CYLD: variants seen among roughly 807,000 people sequenced by gnomAD.
CYLD encodes the protein ubiquitin carboxyl-terminal hydrolase CYLD.
A neutral mutation model predicts 104.5 loss-of-function variants in CYLD; 26 were observed. That is an observed-to-expected ratio of 0.25 (90% CI 0.18 to 0.35). CYLD has a LOEUF of 0.35. Ranked by LOEUF, CYLD falls within the 10% of genes least tolerant of loss-of-function variation. The probability of loss-of-function intolerance (pLI) is 1.00; values close to 1 mark genes in which losing one functional copy is unlikely to be tolerated. For synonymous variants in CYLD, 385 were observed against 399.9 expected (o/e 0.96, Z 0.45); for missense variants, 703 against 1,136.1 (o/e 0.62, Z 5.48).
At chr16:50,759,552 A>G (rs1967669741) in intron 5 of CYLD, among the ~76,000 whole-genome samples, 1 of 152,180 alleles carries the variant, frequency 6.6e-6, no homozygotes, top group African/African-American at 2.4e-5. Flanking sequence ...CTGATTTTTA[A>G]ATTACTTGCA....
chr16:50,786,522 G>GGCCGAGGT (rs57664295), intron 12 of CYLD: 89,902 of 243,890 alleles, frequency 0.37, 17,733 homozygotes, highest in Non-Finnish European at 0.4. Context: ...CACTTTGGGA[G>GGCCGAGGT]GCCGAGGTGG....
At chr16:50,774,687 A>AT (rs1456110670) in intron 5 of CYLD, among the ~76,000 whole-genome samples, 1 of 152,162 alleles carries the variant, frequency 6.6e-6, no homozygotes, top group Non-Finnish European at 1.5e-5. Flanking sequence ...GGGGTTATGG[A>AT]TTAGGATGGT....
chr16:50,745,403 T>A (rs1966104831), intron 2 of CYLD, among the ~76,000 whole-genome samples: 1 of 140,346 alleles, frequency 7.1e-6, no homozygotes. Context: ...GGTCTTGCTC[T>A]GTCACCCAGG....
rs779025151 is a variant in CYLD, at chr16:50,754,324, C to A, written c.813C>A (p.Asn271Lys). The A allele has an allele frequency of 1.2e-6, 2 of 1,603,818 alleles. No homozygotes were observed. Among genetic ancestry groups the A allele is most frequent in the South Asian group, 1.1e-5 (1 of 90,858 alleles). ...GTTTATTATTTAATTTCTAGGATAA[C>A]CCTATTGGCAACTGGGATGGAAGAT... is the stretch of plus-strand genomic sequence containing the variant. The part of the protein sequence containing the change: ...LGYFVGVDMD[N>K]PIGNWDGRFD... The change falls in exon 5 of 19, where the codon AAC becomes AAA. Residue 271 changes from asparagine to lysine, a missense_variant. By Grantham distance (94) the Asn-to-Lys change is moderately conservative. Around this residue, in one of 5 missense-constraint regions of CYLD, gnomAD observed 123 missense variants for 213.3 expected, o/e 0.58. Transcript: ENST00000427738.
intron 2 of CYLD, among the ~76,000 whole-genome samples, chr16:50,743,816 T>C (rs1965934845): frequency 6.6e-6 from 1 of 152,244 alleles, no homozygotes; most frequent in African/African-American, 2.4e-5. Context: ...TCCGTATTTG[T>C]TTCTTCTTAT....
At chr16:50,782,916 AT>A (rs386384680) in intron 11 of CYLD, among the ~76,000 whole-genome samples, 1,758 of 87,556 alleles carry the variant, frequency 0.02, 8 homozygotes, top group African/African-American at 0.06. Context: ...ACAACTTAAG[AT>A]TTTTTTTTTT....
chr16:50,773,968 T>C (rs1044632207), intron 5 of CYLD, among the ~76,000 whole-genome samples: 1 of 152,170 alleles, frequency 6.6e-6, no homozygotes, highest in Non-Finnish European at 1.5e-5. Flanking sequence ...TCCTAATCTT[T>C]GGAGCTCCTC....
At chr16:50,770,471 AT>A (rs954828818) in intron 5 of CYLD, among the ~76,000 whole-genome samples, 10 of 141,972 alleles carry the variant, frequency 7.0e-5, no homozygotes, top group African/African-American at 2.6e-4. Context: ...TTTTTTTGAG[AT>A]GGAGTCTTGC....
intron 15 of CYLD, among the ~76,000 whole-genome samples, chr16:50,792,101 A>C (rs1465364061): frequency 6.6e-6 from 1 of 152,210 alleles, no homozygotes; most frequent in African/African-American, 2.4e-5. Flanking sequence ...AACCAGTGAT[A>C]GAAATTATTT....
chr16:50,762,212 G>A (rs144537018), intron 5 of CYLD, among the ~76,000 whole-genome samples: 3,338 of 150,318 alleles, frequency 0.022, 107 homozygotes, highest in African/African-American at 0.077. Context: ...CTGCTTCCAC[G>A]TGTGATTCTT....
At position 50,782,316 on chromosome 16, in the gene CYLD, T is replaced by C; in HGVS notation, c.1685-9T>C. 6.3e-7 allele frequency: 1 copy of C among 1,580,552 alleles called. No homozygotes were observed. The highest frequency in any genetic ancestry group is 2.2e-5 in the East Asian group (1 of 44,530). ...TTTTCATTTACTTTTTTTAAAAAAA[T>C]CTTTTCAGCATTTGGAGGCTACTTA... On this transcript the variant is annotated splice_polypyrimidine_tract_variant and intron_variant, in intron 10 of 18. Transcript: ENST00000427738.
chr16:50,790,710 G>GTT (rs200415440), intron 14 of CYLD, among the ~76,000 whole-genome samples: 64 of 144,364 alleles, frequency 4.4e-4, no homozygotes, highest in Middle Eastern at 7.3e-3. Context: ...GAATAGCTGA[G>GTT]TTTTTTTTTT....
rs752471076 is a variant in CYLD, at chr16:50,780,029, C to T, written c.1503C>T (p.Leu501=). 54 of 1,613,908 alleles carry T rather than the reference C, an allele frequency of 3.3e-5. No individual in the cohort carries two copies. The highest frequency in any genetic ancestry group is 1.6e-4 in the Middle Eastern group (1 of 6,082). The change falls in exon 9 of 19, where the codon CTC becomes CTT. Residue 501 remains leucine (L), a synonymous_variant. Coordinates refer to ENST00000427738, the MANE Select transcript of CYLD (RefSeq NM_001378743.1). The part of the protein sequence containing the change: ...IGQPPGLNEV[L]AGLELEDECA... ...AGCCACCAGGACTGAATGAAGTGCTCGCTGGACTGGAACTGGTAATTTAAC... is the reference window on the plus strand; with the variant it reads ...AGCCACCAGGACTGAATGAAGTGCTTGCTGGACTGGAACTGGTAATTTAAC...
At position 50,779,838 on chromosome 16, in the gene CYLD, C is replaced by T. The variant is rs1970045499; in HGVS notation, c.1312C>T (p.Leu438Phe). The change falls in exon 9 of 19, where the codon CTT becomes TTT. Residue 438 changes from leucine (L) to phenylalanine (F), a missense_variant. Around this residue, in one of 5 missense-constraint regions of CYLD, gnomAD observed 183 missense variants for 212.1 expected, o/e 0.86. Coordinates refer to ENST00000427738, the MANE Select transcript of CYLD (RefSeq NM_001378743.1). The part of the protein sequence containing the change: ...NTNGSIGHSP[L>F]SLSAQSVMEE... ...CAATGGAAGTATTGGCCACAGTCCA[C>T]TTTCTCTGTCAGCCCAGTCTGTAAT... The T allele has an allele frequency of 3.1e-6, 5 of 1,613,960 alleles. No individual in the cohort carries two copies. The highest frequency in any genetic ancestry group is 4.2e-6 in the Non-Finnish European group (5 of 1,180,000).
rs971338070 is a variant in CYLD, at chr16:50,776,754, T to G, written c.1021+477T>G. On this transcript the variant is annotated intron_variant, in intron 7 of 18. Transcript: ENST00000427738. ...GTGTGGAGCTTACAGCTCTTTTTTT[T>G]GTTAGCTTCCACATACTTCATAGAT... is the stretch of plus-strand genomic sequence containing the variant. Among the ~76,000 whole-genome samples, 4 of 152,340 alleles carry G rather than the reference T, an allele frequency of 2.6e-5. No individual in the cohort carries two copies. The South Asian group carries it at 8.3e-4, about 32-fold the overall frequency.
intron 2 of CYLD, among the ~76,000 whole-genome samples, chr16:50,748,060 A>C (rs534804447): frequency 3.3e-5 from 5 of 152,330 alleles, no homozygotes; most frequent in Admixed American, 6.5e-5. Flanking sequence ...ATTAAATCTA[A>C]AATTTGGTTC....
At chr16:50,789,191 T>C (rs960141031) in intron 14 of CYLD, among the ~76,000 whole-genome samples, 1 of 152,138 alleles carries the variant, frequency 6.6e-6, no homozygotes, top group Non-Finnish European at 1.5e-5. Context: ...AGCTCAGAAA[T>C]AGAATTAACT....
chr16:50,786,867 G>T lies in CYLD; in HGVS notation c.1962G>T (p.Val654=). The T allele has an allele frequency of 6.2e-7, 1 of 1,612,766 alleles. No individual in the cohort carries two copies. Among genetic ancestry groups the T allele is most frequent in the Non-Finnish European group, 8.5e-7 (1 of 1,178,866 alleles). The part of the protein sequence containing the change: ...IVNPLRIYGY[V]CATKIMKLRK... ...TTTACTAACTTAGATATGGATATGTGTGTGCCACAAAAATTATGAAACTGA... is the reference window on the plus strand; with the variant it reads ...TTTACTAACTTAGATATGGATATGTTTGTGCCACAAAAATTATGAAACTGA... The change falls in exon 13 of 19, where the codon GTG becomes GTT. Residue 654 remains valine, a synonymous_variant. Transcript: ENST00000427738.
At chr16:50,788,950 CAATT>C (rs1359626108) in intron 14 of CYLD, among the ~76,000 whole-genome samples, 2 of 152,010 alleles carry the variant, frequency 1.3e-5, no homozygotes, top group Non-Finnish European at 2.9e-5. Context: ...CTGGGTAGGA[CAATT>C]AAATAATTTA....
Sources: allele counts gnomAD v4.1 joint callset (sites outside exome capture counted in the v4.1 genomes callset), GRCh38; gene constraint gnomAD v4.1.1; regional missense constraint gnomAD v4.1.1; transcripts MANE v1.5; gene names NCBI Gene and HGNC (gene_info 2026-07-23, HGNC 2026-07-21).